The following MRPL42 variants were observed in gnomAD, a reference collection of about 807,000 sequenced individuals.
MRPL42 encodes the protein large ribosomal subunit protein mL42.
Under a neutral mutation model 17.9 loss-of-function variants are expected in MRPL42, and 17 were observed. That is an observed-to-expected ratio of 0.95 (90% confidence interval 0.65 to 1.42). MRPL42 has a LOEUF of 1.42. MRPL42 is among the 40% of genes most tolerant of loss of function. The pLI, the probability that MRPL42 is intolerant of heterozygous loss-of-function variation, is 0.00. For missense variants in MRPL42, 177 were observed against 175.2 expected, an observed-to-expected ratio of 1.01 and a Z score of -0.06; for synonymous variants, 59 against 54.4, an observed-to-expected ratio of 1.08 and a Z score of -0.37.
At position 93,507,461 on chromosome 12, in the gene MRPL42, T is replaced by C. The variant is rs1953683119; in HGVS notation, c.*6240T>C. The C allele has an allele frequency of 6.6e-6, 1 of 152,232 alleles. No individual in the cohort carries two copies. The highest frequency in any genetic ancestry group is 2.4e-5 in the African/African-American group (1 of 41,458). 9.4% of individuals were successfully genotyped at this position (152,232 alleles called of 1,614,324 possible). ...ATTTAATAACTTGCTTATAAGTGTT[T>C]AAAATGACTTAATGGGTTCTATCTT... On this transcript the variant is annotated 3_prime_UTR_variant, in exon 6 of 6. Coordinates refer to ENST00000549982, the MANE Select transcript of MRPL42 (RefSeq NM_014050.4).
chr12:93,475,636 A>G (rs1025812119), intron 2 of MRPL42, among the ~76,000 whole-genome samples: 4 of 152,132 alleles, frequency 2.6e-5, no homozygotes, highest in Non-Finnish European at 4.4e-5. Context: ...TTTTTTCTTT[A>G]TATTAAAAGA....
chr12:93,473,012 A>G (rs369218359), intron 2 of MRPL42, among the ~76,000 whole-genome samples: 8 of 152,330 alleles, frequency 5.3e-5, no homozygotes, highest in African/African-American at 1.9e-4. Flanking sequence ...TTTCTGTAGC[A>G]AGGTAAAATA....
chr12:93,500,162 T>G (rs1390137153), intron 5 of MRPL42, among the ~76,000 whole-genome samples: 4 of 152,224 alleles, frequency 2.6e-5, no homozygotes, highest in Non-Finnish European at 4.4e-5. Flanking sequence ...AGTTTGCCTA[T>G]TTTTACATGG....
chr12:93,475,790 C>T (rs1880141186), intron 2 of MRPL42, among the ~76,000 whole-genome samples: 1 of 151,986 alleles, frequency 6.6e-6, no homozygotes, highest in East Asian at 2.0e-4. Context: ...CGAGACCATC[C>T]TGGCTAACAC....
At chr12:93,491,444 A>G (rs1009416678) in intron 5 of MRPL42, among the ~76,000 whole-genome samples, 1 of 152,270 alleles carries the variant, frequency 6.6e-6, no homozygotes, top group South Asian at 2.1e-4. Context: ...CCTATTTTTT[A>G]AAAAGCAAAT....
chr12:93,473,954 A>G (rs1218381052), intron 2 of MRPL42, among the ~76,000 whole-genome samples: 1 of 152,142 alleles, frequency 6.6e-6, no homozygotes, highest in Non-Finnish European at 1.5e-5. Context: ...ACTATAGGGG[A>G]CACAGTAATG....
At chr12:93,482,538 GT>G (rs1384197103) in intron 4 of MRPL42, among the ~76,000 whole-genome samples, 1 of 151,810 alleles carries the variant, frequency 6.6e-6, no homozygotes, top group Non-Finnish European at 1.5e-5. Flanking sequence ...ATGCTTAAGG[GT>G]TTTTTGTTTT....
Position 93,504,865 on chromosome 12 carries a change from A to G in MRPL42, c.*3644A>G, listed in dbSNP as rs1174360717. The G allele has an allele frequency of 6.6e-6, 1 of 152,188 alleles. No individual in the cohort carries two copies. Among genetic ancestry groups the G allele is most frequent in the Non-Finnish European group, 1.5e-5 (1 of 68,040 alleles). 9.4% of individuals were successfully genotyped at this position (152,188 alleles called of 1,614,324 possible). A position where few individuals can be genotyped will look rare whatever the true frequency, so the allele number is the denominator to read the frequency against. On this transcript the variant is annotated 3_prime_UTR_variant, in exon 6 of 6. Transcript: ENST00000549982. ...TATCCCCTACTAGCCTATAAGCTCC[A>G]TGACTTCTAGGTACCCTGTCTGACT...
rs184244962 is a variant in MRPL42 at position 93,470,166 on chromosome 12, T to A, written c.70+811T>A. On this transcript the variant is annotated intron_variant, in intron 2 of 5. Transcript: ENST00000549982. ...TTTTTTCTATGTACCTAGCCATTTT[T>A]AAAAAAATGAAATGTAATTTCTGCC... Among the ~76,000 whole-genome samples, 716 of 152,288 alleles carry A rather than the reference T, an allele frequency of 4.7e-3. 2 individuals carry two copies. Among genetic ancestry groups the A allele is most frequent in the Non-Finnish European group, 8.3e-3 (567 of 68,014 alleles).
chr12:93,471,827 T>C (rs1356454911), intron 2 of MRPL42, among the ~76,000 whole-genome samples: 1 of 152,208 alleles, frequency 6.6e-6, no homozygotes, highest in African/African-American at 2.4e-5. Context: ...AGGAGCATTT[T>C]TGTTGTTGAG....
intron 5 of MRPL42, among the ~76,000 whole-genome samples, chr12:93,497,156 A>G (rs905588831): frequency 2.6e-5 from 4 of 152,142 alleles, no homozygotes; most frequent in African/African-American, 9.7e-5. Flanking sequence ...GCCAGTACCA[A>G]TCCTACTGAT....
At chr12:93,477,357 A>T (rs1386398620) in intron 3 of MRPL42, among the ~76,000 whole-genome samples, 1 of 152,142 alleles carries the variant, frequency 6.6e-6, no homozygotes, top group Non-Finnish European at 1.5e-5. Flanking sequence ...AGCCATTATT[A>T]TCTTTTCTTT....
At chr12:93,474,762 G>C (rs937054296) in intron 2 of MRPL42, among the ~76,000 whole-genome samples, 13 of 152,004 alleles carry the variant, frequency 8.6e-5, no homozygotes, top group African/African-American at 3.1e-4. Context: ...CCCAATCCAT[G>C]CATAATTAGG....
Position 93,505,131 on chromosome 12 carries a change from C to T in MRPL42, c.*3910C>T, listed in dbSNP as rs764907760. Reference sequence around the variant, plus strand: ...CTCAGCAACTCATTACAGTCTGTCACATCATGCCCTAATTCTACTTGCCTG... The same window carrying T: ...CTCAGCAACTCATTACAGTCTGTCATATCATGCCCTAATTCTACTTGCCTG... On this transcript the variant is annotated 3_prime_UTR_variant, in exon 6 of 6. Coordinates refer to ENST00000549982, the MANE Select transcript of MRPL42 (RefSeq NM_014050.4). 6 of 152,182 alleles carry T rather than the reference C, an allele frequency of 3.9e-5. No individual in the cohort carries two copies. Among genetic ancestry groups the T allele is most frequent in the Non-Finnish European group, 8.8e-5 (6 of 68,036 alleles). 9.4% of individuals were successfully genotyped at this position (152,182 alleles called of 1,614,324 possible).
At chr12:93,477,554 A>C (rs1254706132) in intron 3 of MRPL42, among the ~76,000 whole-genome samples, 1 of 152,202 alleles carries the variant, frequency 6.6e-6, no homozygotes, top group South Asian at 2.1e-4. Context: ...TTTTATTACA[A>C]ATTATAATAA....
chr12:93,496,183 C>T (rs141634509), intron 5 of MRPL42, among the ~76,000 whole-genome samples: 106 of 152,228 alleles, frequency 7.0e-4, no homozygotes, highest in African/African-American at 2.4e-3. Flanking sequence ...CTCAGCCTCC[C>T]GAGTACCTGG....
At chr12:93,489,943 A>G (rs747095217) in intron 5 of MRPL42, among the ~76,000 whole-genome samples, 3 of 152,234 alleles carry the variant, frequency 2.0e-5, no homozygotes, top group African/African-American at 4.8e-5. Flanking sequence ...AAACCATCTC[A>G]TAGCCCTGTG....
intron 4 of MRPL42, among the ~76,000 whole-genome samples, chr12:93,483,262 A>G (rs537101722): frequency 2.8e-4 from 42 of 152,214 alleles, no homozygotes; most frequent in African/African-American, 9.6e-4. Context: ...TATCTTTGTT[A>G]CTTTGCATTT....
intron 1 of MRPL42, among the ~76,000 whole-genome samples, chr12:93,468,278 C>T (rs1419858332): frequency 6.7e-6 from 1 of 149,824 alleles, no homozygotes; most frequent in East Asian, 2.0e-4. Flanking sequence ...AATAAGAGGG[C>T]CTGTGTCCTA....
Sources: allele counts gnomAD v4.1 joint callset (sites outside exome capture counted in the v4.1 genomes callset), GRCh38; gene constraint gnomAD v4.1.1; transcripts MANE v1.5; gene names NCBI Gene and HGNC (gene_info 2026-07-23, HGNC 2026-07-21).